Variants in CAMSAP1 observed in about 807,000 individuals in gnomAD.
CAMSAP1 encodes the protein calmodulin-regulated spectrin-associated protein 1.
CAMSAP1 carries 58 observed loss-of-function variants against 143.5 expected under a neutral mutation model. That is an observed-to-expected ratio of 0.40 (90% confidence interval 0.33 to 0.50). The LOEUF (loss-of-function observed/expected upper bound fraction) is 0.50, where lower values mean the gene tolerates loss of function less well. Among genes scored for constraint, CAMSAP1 ranks in the 20% least tolerant of loss-of-function variants. CAMSAP1 has a pLI of 0.45. For missense variants in CAMSAP1, 1,969 were observed against 2,115.7 expected, an observed-to-expected ratio of 0.93 and a Z score of 1.36; for synonymous variants, 945 against 859.3, an observed-to-expected ratio of 1.10 and a Z score of -1.74.
rs1428633307 is a variant in CAMSAP1 at position 135,871,893 on chromosome 9, G to A, written c.586-5357C>T. 3.3e-5 allele frequency among the ~76,000 whole-genome samples: 5 copies of A among 152,070 alleles called. No homozygotes were observed. In the South Asian group the frequency reaches 6.2e-4, roughly 19 times the overall value. On this transcript the variant is annotated intron_variant, in intron 3 of 16. Transcript: ENST00000389532. ...CGAGGTGGGCAGATCACCTGAGGTC[G>A]GGAATTCGAGACCAGCCTAAGCAAC...
rs936557650 is a variant in CAMSAP1, at chr9:135,818,153, C to G, written c.4169-74G>C. 83 of 1,449,414 alleles carry G rather than the reference C, an allele frequency of 5.7e-5. No homozygotes were observed. Among genetic ancestry groups the G allele is most frequent in the Non-Finnish European group, 7.1e-5 (74 of 1,048,758 alleles). The allele number at this position is 1,449,414 out of a possible 1,614,324, so 89.8% of individuals were successfully genotyped here. A position where few individuals can be genotyped will look rare whatever the true frequency, so the allele number is the denominator to read the frequency against. ...CAAGTACCTGTCCCCTGTACCTGTT[C>G]CCCTCACCTCGCCCTGCAGAGCTCG... On this transcript the variant is annotated intron_variant, in intron 13 of 16. Coordinates refer to ENST00000389532, the MANE Select transcript of CAMSAP1 (RefSeq NM_015447.4). The surrounding 1 kb of genome is among the most constrained non-coding windows in gnomAD (Gnocchi z 7.7).
intron 5 of CAMSAP1, 122 bp from the exon 6 acceptor site, chr9:135,850,583 G>T: frequency 1.3e-6 from 1 of 749,230 alleles, no homozygotes; most frequent in Non-Finnish European, 2.1e-6. Flanking sequence ...GACATTGAGA[G>T]ATGTAGGGAG....
At chr9:135,879,587 A>G (rs1837867598) in intron 3 of CAMSAP1, among the ~76,000 whole-genome samples, 1 of 152,104 alleles carries the variant, frequency 6.6e-6, no homozygotes, top group Non-Finnish European at 1.5e-5. Context: ...AATGCCCAAG[A>G]TATGGGAAGA....
At chr9:135,840,018 G>A (rs1179719747) in intron 7 of CAMSAP1, among the ~76,000 whole-genome samples, 1 of 152,192 alleles carries the variant, frequency 6.6e-6, no homozygotes, top group Non-Finnish European at 1.5e-5. Flanking sequence ...CAAGACCAGT[G>A]CTGACTCCTA....
chr9:135,885,018 A>G (rs1838079387), intron 1 of CAMSAP1, among the ~76,000 whole-genome samples: 1 of 152,196 alleles, frequency 6.6e-6, no homozygotes, highest in African/African-American at 2.4e-5. Context: ...AGTCACTCTC[A>G]GCCTTCCTCT....
At chr9:135,815,283 C>T (rs1320160360) in intron 15 of CAMSAP1, 68 bp from the exon 16 acceptor site, 1 of 1,020,216 alleles carries the variant, frequency 9.8e-7, no homozygotes, top group African/African-American at 1.6e-5. Context: ...AAAAGAAAAC[C>T]AGCAATGTCT....
rs962421735 is a variant in CAMSAP1, at chr9:135,820,075, G to A, written c.3822+764C>T. 2.6e-5 allele frequency among the ~76,000 whole-genome samples: 4 copies of A among 152,216 alleles called. No individual in the cohort carries two copies. The highest frequency in any genetic ancestry group is 5.9e-5 in the Non-Finnish European group (4 of 68,040). ...CTCAGGTGACTCTGCTGCTGTGTGAGCATGACGGAGTGTGCGCACACCTGG... is the reference window on the plus strand; with the variant it reads ...CTCAGGTGACTCTGCTGCTGTGTGAACATGACGGAGTGTGCGCACACCTGG... On this transcript the variant is annotated intron_variant, in intron 11 of 16. Transcript: ENST00000389532. This position sits in a 1 kb window ranked among gnomAD's most constrained non-coding sequence, Gnocchi z 4.4.
Position 135,822,757 on chromosome 9 carries a change from A to G in CAMSAP1, c.1904T>C (p.Leu635Ser). 6.2e-7 allele frequency: 1 copy of G among 1,613,024 alleles called. No individual in the cohort carries two copies. Among genetic ancestry groups the G allele is most frequent in the Non-Finnish European group, 8.5e-7 (1 of 1,179,542 alleles). ...SRRPSEGPQP[L>S]VRRKMTGSRD... is the part of the protein sequence containing the mutation. Reference sequence around the variant, plus strand: ...ACTGCCAGTCATTTTCCTTCGTACCAAAGGCTGGGGGCCCTCGCTGGGCCT... The same window carrying G: ...ACTGCCAGTCATTTTCCTTCGTACCGAAGGCTGGGGGCCCTCGCTGGGCCT... The change falls in exon 11 of 17, where the codon TTG (leucine) becomes TCG (serine). Residue 635 changes from leucine (L) to serine (S), a missense_variant. This residue lies in a region of CAMSAP1 where 1,390 missense variants were observed against 1,420.8 expected (regional missense o/e 0.98). Transcript: ENST00000389532. This position sits in a 1 kb window ranked among gnomAD's most constrained non-coding sequence, Gnocchi z 6.1.
rs565637198 is a variant in CAMSAP1 at position 135,824,254 on chromosome 9, T to C, written c.1316-220A>G. ...CTTCAGCATGTGTGAGCCCTGCTTA[T>C]GTCGCAGTTACTCTGTGTCTACTAC... On this transcript the variant is annotated intron_variant, in intron 9 of 16. Transcript: ENST00000389532. The surrounding 1 kb of genome is among the most constrained non-coding windows in gnomAD (Gnocchi z 4.1). 2.4e-4 allele frequency among the ~76,000 whole-genome samples: 36 copies of C among 152,394 alleles called. No homozygotes were observed. Among genetic ancestry groups the C allele is most frequent in the African/African-American group, 7.9e-4 (33 of 41,594 alleles).
chr9:135,856,236 G>A (rs1209924044), intron 5 of CAMSAP1, among the ~76,000 whole-genome samples: 1 of 152,162 alleles, frequency 6.6e-6, no homozygotes, highest in East Asian at 1.9e-4. Context: ...GGCTGGGGAG[G>A]CCTCACCATC....
intron 1 of CAMSAP1, among the ~76,000 whole-genome samples, chr9:135,886,812 G>A (rs1054379318): frequency 2.6e-5 from 4 of 152,242 alleles, no homozygotes; most frequent in Non-Finnish European, 5.9e-5. Context: ...AGGCAGCCCC[G>A]GGAAGGGGAA....
At chr9:135,846,141 C>T (rs998619527) in intron 7 of CAMSAP1, among the ~76,000 whole-genome samples, 2 of 145,934 alleles carry the variant, frequency 1.4e-5, no homozygotes, top group African/African-American at 5.0e-5. Context: ...TACTACAAGG[C>T]TATAGTAACC....
In CAMSAP1 at chr9:135,882,201, G is replaced by A. The variant is rs1188640289; in HGVS notation, c.424-407C>T. 6.6e-6 allele frequency among the ~76,000 whole-genome samples: 1 copy of A among 152,208 alleles called. No individual in the cohort carries two copies. Among genetic ancestry groups the A allele is most frequent in the African/African-American group, 2.4e-5 (1 of 41,448 alleles). ...GCCCACCAGAGGCCTCTGGCTCCTA[G>A]TCCAGAGCTCTACCTGCTACAGCTG... On this transcript the variant is annotated intron_variant, in intron 2 of 16. Coordinates refer to ENST00000389532, the MANE Select transcript of CAMSAP1 (RefSeq NM_015447.4). This position sits in a 1 kb window ranked among gnomAD's most constrained non-coding sequence, Gnocchi z 4.9.
intron 7 of CAMSAP1, among the ~76,000 whole-genome samples, chr9:135,843,603 G>C (rs1836441175): frequency 2.0e-5 from 3 of 152,066 alleles, no homozygotes; most frequent in Admixed American, 6.5e-5. Context: ...AGGGCGCAGT[G>C]GTTCATGCCT....
At chr9:135,892,303 T>C (rs925222413) in intron 1 of CAMSAP1, among the ~76,000 whole-genome samples, 3 of 152,102 alleles carry the variant, frequency 2.0e-5, no homozygotes, top group Non-Finnish European at 4.4e-5. Context: ...TCAGTTACCA[T>C]GCTTCAAACA....
chr9:135,872,081 CAA>C (rs984626864), intron 3 of CAMSAP1, among the ~76,000 whole-genome samples: 15 of 151,470 alleles, frequency 9.9e-5, no homozygotes, highest in African/African-American at 3.4e-4. Context: ...ACCTGGGTAA[CAA>C]GAGCGAAACT....
Position 135,811,715 on chromosome 9 carries a change from G to T in CAMSAP1, c.4507-104C>A. On this transcript the variant is annotated intron_variant, in intron 16 of 16. Transcript: ENST00000389532. This position sits in a 1 kb window ranked among gnomAD's most constrained non-coding sequence, Gnocchi z 4.9. ...CTCAACCAGCACCGCTCCGTGGGAA[G>T]CTCTCCCACCCGTCAGCTACGGCCT... 9.0e-7 allele frequency: 1 copy of T among 1,106,996 alleles called. No individual in the cohort carries two copies. Among genetic ancestry groups the T allele is most frequent in the Non-Finnish European group, 1.3e-6 (1 of 773,086 alleles). The allele number at this position is 1,106,996 out of a possible 1,614,324, so 68.6% of individuals were successfully genotyped here. A position where few individuals can be genotyped will look rare whatever the true frequency, so the allele number is the denominator to read the frequency against.
chr9:135,819,132 C>G lies in CAMSAP1; in HGVS notation c.3837G>C (p.Ala1279=), dbSNP rs754630951. The G allele has an allele frequency of 2.5e-6, 4 of 1,601,658 alleles. No homozygotes were observed. The South Asian group carries it at 4.5e-5, about 18-fold the overall frequency. The part of the protein sequence containing the change: ...VGFFFKDEQK[A]EDELAKKRAA... The stretch of plus-strand genomic sequence containing the variant: ...CCCGCTTCTTGGCGAGCTCATCTTC[C>G]GCTTTCTGTTCATCCTGCAAGACAG... The change falls in exon 12 of 17, where the codon GCG becomes GCC. Residue 1279 remains alanine, a synonymous_variant. Coordinates refer to ENST00000389532, the MANE Select transcript of CAMSAP1 (RefSeq NM_015447.4).
chr9:135,818,899 C>CA lies in CAMSAP1; in HGVS notation c.3959+110dup. 1 of 1,476,912 alleles carries CA rather than the reference C, an allele frequency of 6.8e-7. No individual in the cohort carries two copies. Among genetic ancestry groups the CA allele is most frequent in the East Asian group, 2.5e-5 (1 of 40,688 alleles). The allele number at this position is 1,476,912 out of a possible 1,614,324, so 91.5% of individuals were successfully genotyped here. A position where few individuals can be genotyped will look rare whatever the true frequency, so the allele number is the denominator to read the frequency against. On this transcript the variant is annotated intron_variant, in intron 12 of 16. Coordinates refer to ENST00000389532, the MANE Select transcript of CAMSAP1 (RefSeq NM_015447.4). This position sits in a 1 kb window ranked among gnomAD's most constrained non-coding sequence, Gnocchi z 7.7. ...TGGTCCATGGGAGGAGTAAGACCGT[C>CA]ACAGGCACTCATTGCCATGGTCCAT...
Sources: allele counts gnomAD v4.1 joint callset (sites outside exome capture counted in the v4.1 genomes callset), GRCh38; gene constraint gnomAD v4.1.1; regional missense constraint gnomAD v4.1.1; non-coding constraint Gnocchi (gnomAD v3.1); transcripts MANE v1.5; gene names NCBI Gene and HGNC (gene_info 2026-07-23, HGNC 2026-07-21).